The following IGF2R variants were observed in gnomAD, a reference collection of about 807,000 sequenced individuals.
IGF2R encodes cation-independent mannose-6-phosphate receptor.
A neutral mutation model predicts 270.6 loss-of-function variants in IGF2R; 91 were observed. The observed-to-expected ratio is 0.34, with a 90% CI of 0.28 to 0.40. IGF2R has a LOEUF of 0.40. Among genes scored for constraint, IGF2R ranks in the 10% least tolerant of loss-of-function variants. The pLI, the probability that IGF2R is intolerant of heterozygous loss-of-function variation, is 1.00. For missense variants in IGF2R, 2,805 were observed against 3,188.3 expected (o/e 0.88, Z 2.90); for synonymous variants, 1,316 against 1,258.9 (o/e 1.05, Z -0.96).
chr6:160,058,487 T>A (rs776793390), intron 21 of IGF2R, among the ~76,000 whole-genome samples: 1 of 152,210 alleles, frequency 6.6e-6, no homozygotes, highest in Non-Finnish European at 1.5e-5. Context: ...ATAATAATTT[T>A]TAATGGAATA....
chr6:160,074,861 A>G (rs1471182481), intron 35 of IGF2R, among the ~76,000 whole-genome samples: 1 of 152,208 alleles, frequency 6.6e-6, no homozygotes, highest in Non-Finnish European at 1.5e-5. Context: ...TCTGTGTGAG[A>G]TGGAGGCCTG....
At chr6:160,023,302 G>T (rs920420751) in intron 4 of IGF2R, among the ~76,000 whole-genome samples, 1 of 152,078 alleles carries the variant, frequency 6.6e-6, no homozygotes, top group African/African-American at 2.4e-5. Context: ...TGGCGGTGGG[G>T]CAGGGGGACC....
Position 160,073,259 on chromosome 6 carries a change from GA to G in IGF2R, c.4738del (p.Arg1580GlyfsTer2). The G allele has an allele frequency of 6.2e-7, 1 of 1,614,272 alleles. No homozygotes were observed. The highest frequency in any genetic ancestry group is 8.5e-7 in the Non-Finnish European group (1 of 1,180,054). On this transcript the variant is annotated frameshift_variant, in exon 34 of 48. Coordinates refer to ENST00000356956, the MANE Select transcript of IGF2R (RefSeq NM_000876.4). LOFTEE classifies it high-confidence loss of function. ...GGATTAGCGTGGGCAAGGCCAACAA[GA>G]GGCTGAGATACGTGGACCAGGTCCT... The part of the protein sequence containing the change: ...TRISVGKANK[R>X]LRYVDQVLQL...
intron 47 of IGF2R, 97 bp from the exon 48 acceptor site, chr6:160,104,577 C>T: frequency 2.3e-6 from 3 of 1,300,790 alleles, no homozygotes; most frequent in Non-Finnish European, 3.2e-6. Flanking sequence ...TCTTCCCCAG[C>T]TCGTGCCAGC....
chr6:159,969,811 C>G (rs914513838), intron 1 of IGF2R, among the ~76,000 whole-genome samples: 2 of 152,148 alleles, frequency 1.3e-5, no homozygotes, highest in African/African-American at 4.8e-5. Flanking sequence ...AGCGGGGCAC[C>G]GGTGAGGCCC....
chr6:159,975,016 G>A (rs73590525), intron 1 of IGF2R, among the ~76,000 whole-genome samples: 1,927 of 152,214 alleles, frequency 0.013, 33 homozygotes, highest in African/African-American at 0.044. Context: ...ATGTGTGGTC[G>A]TTTTTCCCCA....
chr6:160,075,400 C>T (rs9365128), intron 35 of IGF2R, among the ~76,000 whole-genome samples: 16,563 of 152,186 alleles, frequency 0.11, 1,249 homozygotes, highest in Non-Finnish European at 0.16. Flanking sequence ...TGGGCAGTCC[C>T]GGGGCAGCAC....
intron 1 of IGF2R, among the ~76,000 whole-genome samples, chr6:159,979,328 A>G (rs1783743500): frequency 6.6e-6 from 1 of 152,148 alleles, no homozygotes; most frequent in Non-Finnish European, 1.5e-5. Flanking sequence ...AGCCACCAGA[A>G]TAGAAGTGCT....
chr6:160,103,895 G>C lies in IGF2R; in HGVS notation c.7065+80G>C, dbSNP rs947130018. Reference sequence around the variant, plus strand: ...CGCTGTCCATGTCGTTCTCATCAGGGGTGCCAAGGAAAGCAGTCACAGGCT... The same window carrying C: ...CGCTGTCCATGTCGTTCTCATCAGGCGTGCCAAGGAAAGCAGTCACAGGCT... On this transcript the variant is annotated intron_variant, in intron 47 of 47. Transcript: ENST00000356956. The C allele has an allele frequency of 8.8e-5, 86 of 972,128 alleles. No homozygotes were observed. The African/African-American group carries it at 1.3e-3, about 15-fold the overall frequency. 60.2% of individuals were successfully genotyped at this position (972,128 alleles called of 1,614,324 possible).
At chr6:160,089,055 C>T in intron 42 of IGF2R, 52 bp from the exon 43 acceptor site, 7 of 1,582,702 alleles carry the variant, frequency 4.4e-6, no homozygotes, top group Non-Finnish European at 5.2e-6. Flanking sequence ...TTGCAGTCTT[C>T]CCTTATGTCT....
chr6:159,987,575 A>C (rs776132337), intron 1 of IGF2R, among the ~76,000 whole-genome samples: 1 of 152,198 alleles, frequency 6.6e-6, no homozygotes, highest in South Asian at 2.1e-4. Context: ...TATTTTTAGT[A>C]GAGACGGAGT....
intron 36 of IGF2R, among the ~76,000 whole-genome samples, chr6:160,076,587 A>G (rs1394819749): frequency 2.0e-5 from 3 of 152,302 alleles, no homozygotes; most frequent in African/African-American, 7.2e-5. Context: ...TATGGCCCCT[A>G]TTCCACAGGG....
At position 160,108,848 on chromosome 6, in the gene IGF2R, A is replaced by C. The variant is rs1231949680; in HGVS notation, c.*3764A>C. ...AAGGCACGCACTGCCACGCCCGGCT[A>C]ATTTTTGTATTTTTAATAGCGACAG... On this transcript the variant is annotated 3_prime_UTR_variant, in exon 48 of 48. Coordinates refer to ENST00000356956, the MANE Select transcript of IGF2R (RefSeq NM_000876.4). 3 of 151,944 alleles carry C rather than the reference A, an allele frequency of 2.0e-5. No homozygotes were observed. The highest frequency in any genetic ancestry group is 2.9e-5 in the Non-Finnish European group (2 of 68,010). The allele number at this position is 151,944 out of a possible 1,614,324, so 9.4% of individuals were successfully genotyped here. A position where few individuals can be genotyped will look rare whatever the true frequency, so the allele number is the denominator to read the frequency against.
At chr6:160,010,571 G>A (rs1300403173) in intron 3 of IGF2R, 116 bp from the exon 4 acceptor site, 1 of 663,376 alleles carries the variant, frequency 1.5e-6, no homozygotes, top group Non-Finnish European at 2.6e-6. Context: ...TGCATCCCCT[G>A]CCCTTCTTGC....
chr6:159,986,446 T>A (rs1172751357), intron 1 of IGF2R, among the ~76,000 whole-genome samples: 2 of 143,094 alleles, frequency 1.4e-5, no homozygotes. Context: ...TTTTTTTTTT[T>A]AAGTAGATTC....
chr6:159,982,596 CCTA>C (rs1363560049), intron 1 of IGF2R, among the ~76,000 whole-genome samples: 1 of 152,142 alleles, frequency 6.6e-6, no homozygotes, highest in Non-Finnish European at 1.5e-5. Context: ...TTCACACGTG[CCTA>C]CTTTTATTAT....
chr6:159,982,189 G>C (rs1486373013), intron 1 of IGF2R, among the ~76,000 whole-genome samples: 1 of 152,116 alleles, frequency 6.6e-6, no homozygotes, highest in Non-Finnish European at 1.5e-5. Flanking sequence ...CTGCTCCCAA[G>C]GTCCAGTGTG....
intron 26 of IGF2R, 30 bp from the exon 27 acceptor site, chr6:160,063,385 T>C: frequency 6.5e-7 from 1 of 1,541,880 alleles, no homozygotes; most frequent in South Asian, 1.1e-5. Flanking sequence ...GTGGTTGCAG[T>C]TGCCCTTCAC....
intron 31 of IGF2R, among the ~76,000 whole-genome samples, chr6:160,071,365 A>G (rs1472345831): frequency 6.6e-6 from 1 of 151,526 alleles, no homozygotes; most frequent in Non-Finnish European, 1.5e-5. Context: ...AGCAGGAATC[A>G]TGGGGTTTAC....
Sources: allele counts gnomAD v4.1 joint callset (sites outside exome capture counted in the v4.1 genomes callset), GRCh38; gene constraint gnomAD v4.1.1; transcripts MANE v1.5; gene names NCBI Gene and HGNC (gene_info 2026-07-23, HGNC 2026-07-21).